ASTN1: variants seen among roughly 807,000 people sequenced by gnomAD.
ASTN1 encodes astrotactin 1.
ASTN1 carries 41 observed loss-of-function variants against 140.7 expected under a neutral mutation model. The observed-to-expected ratio is 0.29, with a 90% CI of 0.23 to 0.38. ASTN1 has a LOEUF of 0.38. ASTN1 is among the 10% of genes least tolerant of loss of function. The pLI, the probability that ASTN1 is intolerant of heterozygous loss-of-function variation, is 1.00. For missense variants in ASTN1, 1,479 were observed against 1,678.8 expected (o/e 0.88, Z 2.08); for synonymous variants, 640 against 652.2 (o/e 0.98, Z 0.29).
At chr1:176,936,543 C>A (rs1156649890) in intron 14 of ASTN1, among the ~76,000 whole-genome samples, 173 bp from the exon 15 acceptor site, 1 of 152,196 alleles carries the variant, frequency 6.6e-6, no homozygotes, top group Admixed American at 6.5e-5. Context: ...ATTTATTGAA[C>A]CCTTACTCCA....
chr1:177,114,833 T>C (rs1416374222), intron 1 of ASTN1, among the ~76,000 whole-genome samples: 1 of 152,312 alleles, frequency 6.6e-6, no homozygotes, highest in African/African-American at 2.4e-5. Flanking sequence ...AACTCTCCTT[T>C]TGCCTTTCCT....
chr1:177,057,676 T>C (rs999604904), intron 2 of ASTN1, among the ~76,000 whole-genome samples: 1 of 152,212 alleles, frequency 6.6e-6, no homozygotes, highest in South Asian at 2.1e-4. Context: ...ATTATGCTAT[T>C]TTGATCTAAT....
At chr1:176,951,515 C>T (rs928030186) in intron 11 of ASTN1, among the ~76,000 whole-genome samples, 3 of 152,218 alleles carry the variant, frequency 2.0e-5, no homozygotes, top group Admixed American at 2.0e-4. Flanking sequence ...TTATTCCCAC[C>T]TCATATGGTT....
At chr1:177,125,370 A>C (rs1681590844) in intron 1 of ASTN1, among the ~76,000 whole-genome samples, 2 of 152,224 alleles carry the variant, frequency 1.3e-5, no homozygotes. Flanking sequence ...TGCAAAGATT[A>C]AGTGGATTGA....
chr1:177,088,355 CT>C (rs1679577648), intron 1 of ASTN1, among the ~76,000 whole-genome samples: 1 of 152,114 alleles, frequency 6.6e-6, no homozygotes, highest in Admixed American at 6.5e-5. Flanking sequence ...TCTCTTGGTG[CT>C]CTGCATTCCA....
intron 1 of ASTN1, among the ~76,000 whole-genome samples, chr1:177,086,929 G>T (rs1252268501): frequency 6.6e-6 from 1 of 152,098 alleles, no homozygotes; most frequent in East Asian, 1.9e-4. Context: ...TGGGTGTTTT[G>T]TTTGTCAAAC....
chr1:176,894,478 A>G (rs1669406207), intron 17 of ASTN1, 84 bp downstream of exon 17: 1 of 1,523,068 alleles, frequency 6.6e-7, no homozygotes, highest in Admixed American at 1.9e-5. Context: ...GCCCTCAACC[A>G]CACCCTGTCA....
intron 20 of ASTN1, 103 bp from the exon 21 acceptor site, chr1:176,876,740 T>G: frequency 1.8e-6 from 2 of 1,091,152 alleles, no homozygotes; most frequent in Non-Finnish European, 2.7e-6. Flanking sequence ...TGGGTGGCTA[T>G]GGACCCAGAT....
chr1:177,034,244 AACAC>A (rs5778922), intron 2 of ASTN1, among the ~76,000 whole-genome samples: 49,370 of 143,014 alleles, frequency 0.35, 9,111 homozygotes, highest in Non-Finnish European at 0.44. Context: ...TGAGCAAAGG[AACAC>A]ACACACACAC....
chr1:176,944,563 C>T (rs1395525823), intron 13 of ASTN1, among the ~76,000 whole-genome samples: 2 of 152,222 alleles, frequency 1.3e-5, no homozygotes, highest in Middle Eastern at 3.2e-3. Flanking sequence ...AGTAAATGGC[C>T]TCCCAATGTA....
At chr1:177,020,416 A>C (rs1198720557) in intron 7 of ASTN1, among the ~76,000 whole-genome samples, 1 of 152,124 alleles carries the variant, frequency 6.6e-6, no homozygotes, top group Non-Finnish European at 1.5e-5. Context: ...GGCTGCTGAC[A>C]TTCCTTGGCT....
intron 1 of ASTN1, among the ~76,000 whole-genome samples, chr1:177,128,595 T>A (rs1384038380): frequency 6.6e-6 from 1 of 152,230 alleles, no homozygotes; most frequent in African/African-American, 2.4e-5. Flanking sequence ...GATCTCTAAG[T>A]GACTCCCAAA....
At position 176,958,332 on chromosome 1, in the gene ASTN1, A is replaced by C; in HGVS notation, c.1736+13T>G. On this transcript the variant is annotated intron_variant, in intron 10 of 22. Transcript: ENST00000361833. ...AAGCCAATTGCAGGCCTCAGTCCTG[A>C]AGCCAGACTCACCTGACCTCCACAG... is the stretch of plus-strand genomic sequence containing the variant. 6.2e-7 allele frequency: 1 copy of C among 1,613,882 alleles called. No homozygotes were observed. Among genetic ancestry groups the C allele is most frequent in the Non-Finnish European group, 8.5e-7 (1 of 1,179,828 alleles).
At chr1:177,028,617 G>A (rs1346396273) in intron 5 of ASTN1, among the ~76,000 whole-genome samples, 1 of 152,150 alleles carries the variant, frequency 6.6e-6, no homozygotes, top group African/African-American at 2.4e-5. Flanking sequence ...ACAAGGAGAT[G>A]CCACTCAAAT....
chr1:176,888,930 T>C (rs1371967266), intron 17 of ASTN1, among the ~76,000 whole-genome samples: 3 of 152,188 alleles, frequency 2.0e-5, no homozygotes, highest in Non-Finnish European at 4.4e-5. Context: ...GCTGTGATAA[T>C]TAAATCTAAT....
chr1:177,058,424 T>G (rs1274820932), intron 2 of ASTN1, among the ~76,000 whole-genome samples: 1 of 152,104 alleles, frequency 6.6e-6, no homozygotes, highest in African/African-American at 2.4e-5. Context: ...GAAGGAATAA[T>G]CTCTTCCATT....
chr1:176,991,876 G>C (rs1278050777), intron 8 of ASTN1, among the ~76,000 whole-genome samples: 1 of 152,168 alleles, frequency 6.6e-6, no homozygotes, highest in Non-Finnish European at 1.5e-5. Context: ...ATTAGACAAA[G>C]AGAGGTTCTC....
rs370563423 is a variant in ASTN1, at chr1:176,934,147, C to T, written c.2671+5G>A. The T allele has an allele frequency of 1.7e-5, 27 of 1,600,602 alleles. No homozygotes were observed. The highest frequency in any genetic ancestry group is 2.2e-5 in the Non-Finnish European group (26 of 1,169,148). On this transcript the variant is annotated splice_donor_5th_base_variant and intron_variant, in intron 16 of 22. Coordinates refer to ENST00000361833, the MANE Select transcript of ASTN1 (RefSeq NM_004319.3). The stretch of plus-strand genomic sequence containing the variant: ...ATGGAATTTGCCAACAAGCATGCCA[C>T]TCACCTTTACTGATGTCTTCATACT...
intron 8 of ASTN1, among the ~76,000 whole-genome samples, chr1:176,969,044 C>A (rs1192773494): frequency 6.6e-6 from 1 of 151,966 alleles, no homozygotes; most frequent in East Asian, 1.9e-4. Flanking sequence ...AAGAGCTGGA[C>A]GTAAAAGCAC....
Sources: allele counts gnomAD v4.1 joint callset (sites outside exome capture counted in the v4.1 genomes callset), GRCh38; gene constraint gnomAD v4.1.1; transcripts MANE v1.5; gene names NCBI Gene and HGNC (gene_info 2026-07-23, HGNC 2026-07-21).